KRTAP10-7: variants seen among roughly 807,000 people sequenced by gnomAD.
The protein encoded by KRTAP10-7 is keratin associated protein 10-7, also known as keratin-associated protein 10-7.
For synonymous variants in KRTAP10-7, 162 were observed against 199.6 expected, an observed-to-expected ratio of 0.81 and a Z score of 1.59; for missense variants, 394 against 474.3, an observed-to-expected ratio of 0.83 and a Z score of 1.57.
rs1980927929 is a variant in KRTAP10-7, at chr21:44,601,641, C to T, written c.1020C>T (p.Cys340=). 1.2e-6 allele frequency: 2 copies of T among 1,613,538 alleles called. No homozygotes were observed. Among genetic ancestry groups the T allele is most frequent in the South Asian group, 1.1e-5 (1 of 91,018 alleles). The part of the protein sequence containing the change: ...APTSSCQASC[C]RPASCVSLLC... ...CCTCCTCCTGCCAGGCCAGCTGCTGCCGCCCAGCCTCCTGTGTGTCTCTCC... is the reference window on the plus strand; with the variant it reads ...CCTCCTCCTGCCAGGCCAGCTGCTGTCGCCCAGCCTCCTGTGTGTCTCTCC... The change falls in exon 1 of 1, where the codon TGC becomes TGT. Residue 340 remains cysteine (C), a synonymous_variant. Transcript: ENST00000609664.
rs781942192 is a variant in KRTAP10-7 at position 44,600,985 on chromosome 21, C to T, written c.364C>T (p.Pro122Ser). The change falls in exon 1 of 1, where the codon CCT (proline) becomes TCT (serine). Residue 122 changes from proline (P) to serine (S), a missense_variant. Transcript: ENST00000609664. ...PVCCKTVCCK[P>S]VYCVPVCSGD... Reference sequence around the variant, plus strand: ...CTGCTGCAAGACTGTCTGCTGCAAGCCTGTGTACTGTGTGCCTGTCTGCAG... The same window carrying T: ...CTGCTGCAAGACTGTCTGCTGCAAGTCTGTGTACTGTGTGCCTGTCTGCAG... The T allele has an allele frequency of 2.5e-6, 4 of 1,611,520 alleles. No individual in the cohort carries two copies. Among genetic ancestry groups the T allele is most frequent in the Non-Finnish European group, 3.4e-6 (4 of 1,179,670 alleles).
In KRTAP10-7 at chr21:44,601,942, T is replaced by G; in HGVS notation, c.*208T>G. ...CTTTCCCCCAATTACCCAGCCCTGC[T>G]TCCCCAGCAACAGGTGGGCAGTGAC... On this transcript the variant is annotated 3_prime_UTR_variant, in exon 1 of 1. Transcript: ENST00000609664. 2.7e-6 allele frequency: 2 copies of G among 738,356 alleles called. No homozygotes were observed. The highest frequency in any genetic ancestry group is 4.4e-6 in the Non-Finnish European group (2 of 453,544). The allele number at this position is 738,356 out of a possible 1,614,324, so 45.7% of individuals were successfully genotyped here.
At position 44,602,123 on chromosome 21, in the gene KRTAP10-7, T is replaced by G. The variant is rs1420175025; in HGVS notation, c.*389T>G. ...CCTGGGCCTCTTTCTCTGTCTTCCCTGACCACGGGAGCAGGTCAGACCCTT... is the reference window on the plus strand; with the variant it reads ...CCTGGGCCTCTTTCTCTGTCTTCCCGGACCACGGGAGCAGGTCAGACCCTT... On this transcript the variant is annotated 3_prime_UTR_variant, in exon 1 of 1. Transcript: ENST00000609664. 8.9e-6 allele frequency: 3 copies of G among 338,410 alleles called. No individual in the cohort carries two copies. The highest frequency in any genetic ancestry group is 9.9e-5 in the South Asian group (2 of 20,254). The allele number at this position is 338,410 out of a possible 1,614,324, so 21.0% of individuals were successfully genotyped here. A position where few individuals can be genotyped will look rare whatever the true frequency, so the allele number is the denominator to read the frequency against.
rs1555928912 is a variant in KRTAP10-7, at chr21:44,601,750, T to C, written c.*16T>C. On this transcript the variant is annotated 3_prime_UTR_variant, in exon 1 of 1. Transcript: ENST00000609664. ...CAGCTGCTGAGTGATCTCCTTAAGA[T>C]CATCCAAAGCCTGAGTGCTCACTGC... 1.2e-6 allele frequency: 2 copies of C among 1,600,526 alleles called. No homozygotes were observed. Among genetic ancestry groups the C allele is most frequent in the Admixed American group, 3.4e-5 (2 of 59,446 alleles).
Position 44,601,169 on chromosome 21 carries a change from C to G in KRTAP10-7, c.548C>G (p.Ser183Cys). 6.3e-7 allele frequency: 1 copy of G among 1,598,724 alleles called. No individual in the cohort carries two copies. The highest frequency in any genetic ancestry group is 8.5e-7 in the Non-Finnish European group (1 of 1,177,478). Residue 183 changes from serine to cysteine, a missense_variant, in exon 1 of 1, where the codon TCC (serine) becomes TGC (cysteine). Transcript: ENST00000609664. ...CAGTCTAGCTGTGTGAGCTGTGTGT[C>G]CAGTCCCTGCTGCCAGGCGGTCTGT... ...CQQSSCVSCVSSPCCQAVCEP... is the reference protein window; with the variant it reads ...CQQSSCVSCVCSPCCQAVCEP...
At position 44,600,671 on chromosome 21, in the gene KRTAP10-7, G is replaced by A. The variant is rs369941112; in HGVS notation, c.50G>A (p.Ser17Asn). ...SVCSSDLSYG[S>N]RVCLPGSCDS... ...TGCTCCAGCGACCTGAGCTACGGCA[G>A]CCGCGTCTGCCTTCCTGGTTCCTGT... is the stretch of plus-strand genomic sequence containing the variant. The change falls in exon 1 of 1, where the codon AGC becomes AAC. Residue 17 changes from serine to asparagine, a missense_variant. By Grantham distance (46) the Ser-to-Asn change is conservative. Transcript: ENST00000609664. 1.1e-5 allele frequency: 18 copies of A among 1,613,650 alleles called. No individual in the cohort carries two copies. In the African/African-American group the frequency reaches 2.0e-4, roughly 18 times the overall value.
rs587624929 is a variant in KRTAP10-7, at chr21:44,601,541, C to T, written c.920C>T (p.Ser307Phe). 1.5e-5 allele frequency: 24 copies of T among 1,613,794 alleles called. No homozygotes were observed. The South Asian group carries it at 2.1e-4, about 14-fold the overall frequency. The change falls in exon 1 of 1, where the codon TCC becomes TTC. Residue 307 changes from serine (S) to phenylalanine (F), a missense_variant. Coordinates refer to ENST00000609664, the MANE Select transcript of KRTAP10-7 (RefSeq NM_198689.3). ...CCTTSCCRPS[S>F]SVSLLCRPVC... Reference sequence around the variant, plus strand: ...ACCACCTCCTGCTGCAGACCCTCCTCCTCCGTGTCCCTCCTCTGCCGCCCC... The same window carrying T: ...ACCACCTCCTGCTGCAGACCCTCCTTCTCCGTGTCCCTCCTCTGCCGCCCC...
rs370558033 is a variant in KRTAP10-7 at position 44,601,047 on chromosome 21, G to A, written c.426G>A (p.Gln142=). Reference sequence around the variant, plus strand: ...CATGCTGCCAGCAGTCTAGCTGCCAGTCAGCTTGCTGCACCTCCTCCCCCT... The same window carrying A: ...CATGCTGCCAGCAGTCTAGCTGCCAATCAGCTTGCTGCACCTCCTCCCCCT... ...DSSCCQQSSC[Q]SACCTSSPCQ... Residue 142 remains glutamine (Q), a synonymous_variant, in exon 1 of 1, where the codon CAG becomes CAA. Coordinates refer to ENST00000609664, the MANE Select transcript of KRTAP10-7 (RefSeq NM_198689.3). 2.5e-6 allele frequency: 4 copies of A among 1,612,592 alleles called. No homozygotes were observed. In the African/African-American group the frequency reaches 4.1e-5, roughly 16 times the overall value.
Position 44,600,611 on chromosome 21 carries a change from C to T in KRTAP10-7, c.-11C>T, listed in dbSNP as rs1555928339. ...CCACTCACTCCCATCTCCTCCAGTT[C>T]AATCCCCAGCATGGCTGCGTCCACT... On this transcript the variant is annotated 5_prime_UTR_variant, in exon 1 of 1. Coordinates refer to ENST00000609664, the MANE Select transcript of KRTAP10-7 (RefSeq NM_198689.3). 10 of 1,609,120 alleles carry T rather than the reference C, an allele frequency of 6.2e-6. No homozygotes were observed. The highest frequency in any genetic ancestry group is 7.6e-6 in the Non-Finnish European group (9 of 1,177,292).
Position 44,601,199 on chromosome 21 carries a change from C to T in KRTAP10-7, c.578C>T (p.Pro193Leu). Residue 193 changes from proline to leucine, a missense_variant, in exon 1 of 1, where the codon CCC becomes CTC. Physicochemically the swap from Pro to Leu is moderately conservative, Grantham distance 98. Transcript: ENST00000609664. ...CCCTGCTGCCAGGCGGTCTGTGAGC[C>T]CAGCCCCTGCCAATCAGGCTGCATC... ...SSPCCQAVCE[P>L]SPCQSGCISS... 1 of 1,602,030 alleles carries T rather than the reference C, an allele frequency of 6.2e-7. No individual in the cohort carries two copies. The highest frequency in any genetic ancestry group is 8.5e-7 in the Non-Finnish European group (1 of 1,177,482).
In KRTAP10-7 at chr21:44,601,675, C is replaced by T. The variant is rs1555928881; in HGVS notation, c.1054C>T (p.Pro352Ser). ...CTCCTGTGTGTCTCTCCTTTGCCGC[C>T]CCGCATGCTCCCGCCCGGCCTGCTG... is the stretch of plus-strand genomic sequence containing the variant. Reference protein sequence around the residue: ...PASCVSLLCRPACSRPACCGP... With the variant: ...PASCVSLLCRSACSRPACCGP... Residue 352 changes from proline to serine, a missense_variant, in exon 1 of 1, where the codon CCC becomes TCC. Pro to Ser is a moderately conservative substitution (Grantham distance 74). Transcript: ENST00000609664. The T allele has an allele frequency of 6.2e-7, 1 of 1,612,780 alleles. No individual in the cohort carries two copies. Among genetic ancestry groups the T allele is most frequent in the Non-Finnish European group, 8.5e-7 (1 of 1,179,198 alleles).
Position 44,601,180 on chromosome 21 carries a change from T to A in KRTAP10-7, c.559T>A (p.Cys187Ser). Residue 187 changes from cysteine (C) to serine (S), a missense_variant, in exon 1 of 1, where the codon TGC becomes AGC. Cys to Ser is a moderately radical substitution (Grantham distance 112). Transcript: ENST00000609664. ...TGTGAGCTGTGTGTCCAGTCCCTGC[T>A]GCCAGGCGGTCTGTGAGCCCAGCCC... is the stretch of plus-strand genomic sequence containing the variant. ...SCVSCVSSPC[C>S]QAVCEPSPCQ... 1 of 1,603,536 alleles carries A rather than the reference T, an allele frequency of 6.2e-7. No homozygotes were observed. The highest frequency in any genetic ancestry group is 1.7e-4 in the Middle Eastern group (1 of 5,936).
In KRTAP10-7 at chr21:44,601,239, C is replaced by T. The variant is rs1569212945; in HGVS notation, c.618C>T (p.Pro206=). 1.3e-6 allele frequency: 2 copies of T among 1,598,252 alleles called. No homozygotes were observed. The highest frequency in any genetic ancestry group is 1.7e-6 in the Non-Finnish European group (2 of 1,175,832). ...CQSGCISSCT[P]SCCQQSSCKP... ...CAGGCTGCATCAGCTCCTGCACGCC[C>T]TCGTGCTGCCAGCAGTCTAGCTGCA... Residue 206 remains proline (P), a synonymous_variant, in exon 1 of 1, where the codon CCC becomes CCT. Transcript: ENST00000609664.
rs782593507 is a variant in KRTAP10-7, at chr21:44,600,841, C to T, written c.220C>T (p.Pro74Ser). 6.2e-7 allele frequency: 1 copy of T among 1,608,796 alleles called. No homozygotes were observed. Among genetic ancestry groups the T allele is most frequent in the Non-Finnish European group, 8.5e-7 (1 of 1,179,588 alleles). Reference sequence around the variant, plus strand: ...CCCCTGCTGCCGAGTGACCTGTGAGCCCAGCCCCTGCCAATCAGGCTGCAC... The same window carrying T: ...CCCCTGCTGCCGAGTGACCTGTGAGTCCAGCCCCTGCCAATCAGGCTGCAC... ...SSPCCRVTCE[P>S]SPCQSGCTSS... is the part of the protein sequence containing the mutation. Residue 74 changes from proline to serine, a missense_variant, in exon 1 of 1, where the codon CCC becomes TCC. Coordinates refer to ENST00000609664, the MANE Select transcript of KRTAP10-7 (RefSeq NM_198689.3).
Position 44,600,721 on chromosome 21 carries a change from G to T in KRTAP10-7, c.100G>T (p.Val34Leu). Reference sequence around the variant, plus strand: ...TGACTCTTGCTCCGACTCCTGGCAGGTGGACGACTGCCCAGAGAGCTGCTG... The same window carrying T: ...TGACTCTTGCTCCGACTCCTGGCAGTTGGACGACTGCCCAGAGAGCTGCTG... ...SCDSCSDSWQ[V>L]DDCPESCCEP... Residue 34 changes from valine (V) to leucine (L), a missense_variant, in exon 1 of 1, where the codon GTG becomes TTG. Physicochemically the swap from Val to Leu is conservative, Grantham distance 32 (BLOSUM62 1). Coordinates refer to ENST00000609664, the MANE Select transcript of KRTAP10-7 (RefSeq NM_198689.3). 6.2e-7 allele frequency: 1 copy of T among 1,612,852 alleles called. No individual in the cohort carries two copies. The highest frequency in any genetic ancestry group is 2.2e-5 in the East Asian group (1 of 44,832).
In KRTAP10-7 at chr21:44,601,425, C is replaced by T. The variant is rs782341522; in HGVS notation, c.804C>T (p.Pro268=). 7.4e-6 allele frequency: 12 copies of T among 1,610,866 alleles called. No homozygotes were observed. The highest frequency in any genetic ancestry group is 4.5e-5 in the East Asian group (2 of 44,516). ...AAAGCCAGCAGGGCTGCTGCGTGCC[C>T]GTCTGCTGTAAGCCTGTGTGCTGTG... ...SSQSQQGCCV[P]VCCKPVCCVP... Residue 268 remains proline, a synonymous_variant, in exon 1 of 1, where the codon CCC becomes CCT. Coordinates refer to ENST00000609664, the MANE Select transcript of KRTAP10-7 (RefSeq NM_198689.3).
chr21:44,601,071 C>A lies in KRTAP10-7; in HGVS notation c.450C>A (p.Pro150=), dbSNP rs1555928562. 1 of 1,610,010 alleles carries A rather than the reference C, an allele frequency of 6.2e-7. No homozygotes were observed. The highest frequency in any genetic ancestry group is 8.5e-7 in the Non-Finnish European group (1 of 1,179,122). ...SCQSACCTSS[P]CQQACCVPIC... ...AGTCAGCTTGCTGCACCTCCTCCCC[C>A]TGCCAGCAGGCCTGCTGTGTGCCCA... The change falls in exon 1 of 1, where the codon CCC becomes CCA. Residue 150 remains proline, a synonymous_variant. Transcript: ENST00000609664.
chr21:44,601,529 G>A lies in KRTAP10-7; in HGVS notation c.908G>A (p.Cys303Tyr). ...CQPACCTTSC[C>Y]RPSSSVSLLC... Reference sequence around the variant, plus strand: ...CCGGCTTGCTGCACCACCTCCTGCTGCAGACCCTCCTCCTCCGTGTCCCTC... The same window carrying A: ...CCGGCTTGCTGCACCACCTCCTGCTACAGACCCTCCTCCTCCGTGTCCCTC... The change falls in exon 1 of 1, where the codon TGC becomes TAC. Residue 303 changes from cysteine (C) to tyrosine (Y), a missense_variant. By Grantham distance (194) the Cys-to-Tyr change is radical. Transcript: ENST00000609664. 2 of 1,613,768 alleles carry A rather than the reference G, an allele frequency of 1.2e-6. No individual in the cohort carries two copies. Among genetic ancestry groups the A allele is most frequent in the Non-Finnish European group, 1.7e-6 (2 of 1,179,888 alleles).
In KRTAP10-7 at chr21:44,601,700, G is replaced by A; in HGVS notation, c.1079G>A (p.Cys360Tyr). Residue 360 changes from cysteine to tyrosine, a missense_variant, in exon 1 of 1, where the codon TGT (cysteine) becomes TAT (tyrosine). Coordinates refer to ENST00000609664, the MANE Select transcript of KRTAP10-7 (RefSeq NM_198689.3). ...CCCGCATGCTCCCGCCCGGCCTGCTGTGGCCCCACCTCAACCCAGAAGTCC... is the reference window on the plus strand; with the variant it reads ...CCCGCATGCTCCCGCCCGGCCTGCTATGGCCCCACCTCAACCCAGAAGTCC... ...CRPACSRPAC[C>Y]GPTSTQKSSC The A allele has an allele frequency of 6.2e-7, 1 of 1,612,094 alleles. No homozygotes were observed. The highest frequency in any genetic ancestry group is 8.5e-7 in the Non-Finnish European group (1 of 1,178,800).
Sources: gnomAD v4.1 joint callset for allele counts on GRCh38, gnomAD v4.1.1 for gene constraint, MANE v1.5 for transcripts, NCBI Gene and HGNC (gene_info 2026-07-23, HGNC 2026-07-21) for gene names.